Variants in RCCD1 observed in about 807,000 individuals in gnomAD.
RCCD1 encodes RCC1 domain-containing protein 1.
Under a neutral mutation model 37.6 loss-of-function variants are expected in RCCD1, and 40 were observed. That is an observed-to-expected ratio of 1.06 (90% CI 0.83 to 1.39). The LOEUF (loss-of-function observed/expected upper bound fraction) is 1.39, where lower values mean the gene tolerates loss of function less well. RCCD1 is among the 40% of genes most tolerant of loss of function. The pLI is 0.00. For synonymous variants in RCCD1, 263 were observed against 230.0 expected, an observed-to-expected ratio of 1.14 and a Z score of -1.30; for missense variants, 577 against 517.3, an observed-to-expected ratio of 1.12 and a Z score of -1.12.
In RCCD1 at chr15:90,961,916, C is replaced by A; in HGVS notation, c.*147C>A. ...TCAAGCACGGTCCTAAACTTGTCTG[C>A]ACTTTAGAAACACCTGGAGAGCATT... On this transcript the variant is annotated 3_prime_UTR_variant, in exon 8 of 8. Transcript: ENST00000394258. 1.5e-6 allele frequency: 1 copy of A among 664,022 alleles called. No individual in the cohort carries two copies. The highest frequency in any genetic ancestry group is 2.4e-6 in the Non-Finnish European group (1 of 409,204). 41.1% of individuals were successfully genotyped at this position (664,022 alleles called of 1,614,324 possible).
In RCCD1 at chr15:90,961,982, G is replaced by T. The variant is rs2037325094; in HGVS notation, c.*213G>T. On this transcript the variant is annotated 3_prime_UTR_variant, in exon 8 of 8. Coordinates refer to ENST00000394258, the MANE Select transcript of RCCD1 (RefSeq NM_001017919.2). Reference sequence around the variant, plus strand: ...TAAGGTCAGCATCAATCAAAACAATGAAATCAATGAAACAATGAAACCAGA... The same window carrying T: ...TAAGGTCAGCATCAATCAAAACAATTAAATCAATGAAACAATGAAACCAGA... 8.1e-6 allele frequency: 3 copies of T among 370,994 alleles called. No individual in the cohort carries two copies. In the South Asian group the frequency reaches 1.9e-4, roughly 23 times the overall value. The allele number at this position is 370,994 out of a possible 1,614,324, so 23.0% of individuals were successfully genotyped here. A position where few individuals can be genotyped will look rare whatever the true frequency, so the allele number is the denominator to read the frequency against.
At chr15:90,960,023 G>T in intron 5 of RCCD1, 25 bp downstream of exon 5, 1 of 1,561,960 alleles carries the variant, frequency 6.4e-7, no homozygotes, top group Non-Finnish European at 8.8e-7. Context: ...GGCTCCCACA[G>T]CCGTCTCCCC....
At position 90,956,593 on chromosome 15, in the gene RCCD1, T is replaced by C. The variant is rs555172343; in HGVS notation, c.-123-19T>C. The C allele has an allele frequency of 1.8e-5, 14 of 778,310 alleles. No individual in the cohort carries two copies. The East Asian group carries it at 4.7e-4, about 26-fold the overall frequency. 48.2% of individuals were successfully genotyped at this position (778,310 alleles called of 1,614,324 possible). A position where few individuals can be genotyped will look rare whatever the true frequency, so the allele number is the denominator to read the frequency against. On this transcript the variant is annotated intron_variant, in intron 1 of 7. Transcript: ENST00000394258. The stretch of plus-strand genomic sequence containing the variant: ...TCTGCCTTTGTGGTCGGGAGAATGA[T>C]AGTTTCTCCATTTTACAGATAAGGC...
At chr15:90,958,793 G>A (rs1239642907) in intron 4 of RCCD1, among the ~76,000 whole-genome samples, 3 of 151,724 alleles carry the variant, frequency 2.0e-5, no homozygotes, top group African/African-American at 4.8e-5. Flanking sequence ...TGAGCTGGGC[G>A]TGGCGGCTCG....
chr15:90,957,751 C>A, intron 4 of RCCD1, 26 bp downstream of exon 4: 10 of 1,579,162 alleles, frequency 6.3e-6, no homozygotes, highest in Non-Finnish European at 8.6e-6. Flanking sequence ...CTTCTCCAGA[C>A]GAGCTCATGA....
chr15:90,955,311 A>T (rs1405229008), intron 1 of RCCD1: 1 of 151,986 alleles, frequency 6.6e-6, no homozygotes, highest in Non-Finnish European at 1.5e-5. Flanking sequence ...CGCCCTTCAA[A>T]CCTTTTCTCC....
intron 4 of RCCD1, 102 bp downstream of exon 4, chr15:90,957,827 T>C: frequency 2.1e-6 from 3 of 1,449,606 alleles, no homozygotes; most frequent in African/African-American, 1.4e-5. Context: ...TCCTTCCAAA[T>C]TCATCCATCC....
In RCCD1 at chr15:90,957,649, A is replaced by ACGG. The variant is rs768081749; in HGVS notation, c.605_607dup (p.Arg202dup). The ACGG allele has an allele frequency of 6.2e-7, 1 of 1,614,162 alleles. No individual in the cohort carries two copies. The highest frequency in any genetic ancestry group is 8.5e-7 in the Non-Finnish European group (1 of 1,180,006). On this transcript the variant is annotated inframe_insertion, in exon 4 of 8. Transcript: ENST00000394258. ...GGACCCTGGAGGCAGAGCTGGAGCCACGGCTGTTGGAGGCGTTGCAGGGCC... is the reference window on the plus strand; with the variant it reads ...GGACCCTGGAGGCAGAGCTGGAGCCACGGCGGCTGTTGGAGGCGTTGCAGGGCC...
chr15:90,957,895 A>T (rs1266504822), intron 4 of RCCD1, among the ~76,000 whole-genome samples, 170 bp downstream of exon 4: 4 of 152,122 alleles, frequency 2.6e-5, no homozygotes, highest in Non-Finnish European at 5.9e-5. Context: ...CTCTGCCTGC[A>T]CCATGGCCCA....
chr15:90,961,653 A>T lies in RCCD1; in HGVS notation c.1015A>T (p.Ser339Cys). 1 of 1,614,144 alleles carries T rather than the reference A, an allele frequency of 6.2e-7. No individual in the cohort carries two copies. The highest frequency in any genetic ancestry group is 8.5e-7 in the Non-Finnish European group (1 of 1,179,998). The change falls in exon 8 of 8, where the codon AGC becomes TGC. Residue 339 changes from serine to cysteine, a missense_variant. Ser to Cys is a moderately radical substitution (Grantham distance 112, BLOSUM62 -1). Coordinates refer to ENST00000394258, the MANE Select transcript of RCCD1 (RefSeq NM_001017919.2). ...ACAGCTGGGCCACGAGGACACCACC[A>T]GCTTGGATCGGCCTCGCCGTGTGGA... is the stretch of plus-strand genomic sequence containing the variant. ...YGQLGHEDTTSLDRPRRVEYF... is the reference protein window; with the variant it reads ...YGQLGHEDTTCLDRPRRVEYF...
In RCCD1 at chr15:90,962,626, T is replaced by A. The variant is rs1366970276; in HGVS notation, c.*857T>A. 6.6e-6 allele frequency: 1 copy of A among 152,230 alleles called. No individual in the cohort carries two copies. Among genetic ancestry groups the A allele is most frequent in the Non-Finnish European group, 1.5e-5 (1 of 68,066 alleles). The allele number at this position is 152,230 out of a possible 1,614,324, so 9.4% of individuals were successfully genotyped here. A position where few individuals can be genotyped will look rare whatever the true frequency, so the allele number is the denominator to read the frequency against. ...GTTTTGGATGGCTGGGCATGGTGGC[T>A]CACACCTGTAGTCCCAGCACTTTGG... is the stretch of plus-strand genomic sequence containing the variant. On this transcript the variant is annotated 3_prime_UTR_variant, in exon 8 of 8. Coordinates refer to ENST00000394258, the MANE Select transcript of RCCD1 (RefSeq NM_001017919.2).
In RCCD1 at chr15:90,957,057, C is replaced by T. The variant is rs1238296833; in HGVS notation, c.167-56C>T. On this transcript the variant is annotated intron_variant, in intron 2 of 7. Coordinates refer to ENST00000394258, the MANE Select transcript of RCCD1 (RefSeq NM_001017919.2). ...TCGACCCCTTCCCAGGAACACCCCG[C>T]TCCCCCCATCCCCGCCGCCTCCATT... The T allele has an allele frequency of 6.9e-6, 9 of 1,302,016 alleles. No homozygotes were observed. The Admixed American group carries it at 2.0e-4, about 29-fold the overall frequency. The allele number at this position is 1,302,016 out of a possible 1,614,324, so 80.7% of individuals were successfully genotyped here. A position where few individuals can be genotyped will look rare whatever the true frequency, so the allele number is the denominator to read the frequency against.
rs1216680490 is a variant in RCCD1, at chr15:90,962,773, T to A, written c.*1004T>A. The A allele has an allele frequency of 6.6e-6, 1 of 152,240 alleles. No individual in the cohort carries two copies. Among genetic ancestry groups the A allele is most frequent in the African/African-American group, 2.4e-5 (1 of 41,470 alleles). 9.4% of individuals were successfully genotyped at this position (152,240 alleles called of 1,614,324 possible). On this transcript the variant is annotated 3_prime_UTR_variant, in exon 8 of 8. Transcript: ENST00000394258. ...CCTTTTAAAATGTTCTGTATTTTCC[T>A]TAGTGATTTTTCTTTTGGATATTTC...
In RCCD1 at chr15:90,959,946, G is replaced by A. The variant is rs775916698; in HGVS notation, c.726G>A (p.Leu242=). ...YIWGWNESGQ[L]ALPTRNLAED... ...GGGGCTGGAATGAATCAGGGCAGCT[G>A]GCCCTGCCCACCAGGAACCTGGCAG... Residue 242 remains leucine, a synonymous_variant, in exon 5 of 8, where the codon CTG becomes CTA. Transcript: ENST00000394258. 6.4e-5 allele frequency: 104 copies of A among 1,613,660 alleles called. No individual in the cohort carries two copies. The highest frequency in any genetic ancestry group is 4.2e-4 in the Admixed American group (25 of 59,978).
rs1034789369 is a variant in RCCD1, at chr15:90,963,000, G to A, written c.*1231G>A. On this transcript the variant is annotated 3_prime_UTR_variant, in exon 8 of 8. Coordinates refer to ENST00000394258, the MANE Select transcript of RCCD1 (RefSeq NM_001017919.2). ...TTTTCTTTATAGTTAAATTCTATTT[G>A]TGCATGTGTGTGTCTGTGGTTTAGC... 6.6e-6 allele frequency: 1 copy of A among 152,160 alleles called. No individual in the cohort carries two copies. The highest frequency in any genetic ancestry group is 1.5e-5 in the Non-Finnish European group (1 of 68,026). 9.4% of individuals were successfully genotyped at this position (152,160 alleles called of 1,614,324 possible).
In RCCD1 at chr15:90,961,768, G is replaced by A; in HGVS notation, c.1130G>A (p.Ter377=). 2 of 1,613,238 alleles carry A rather than the reference G, an allele frequency of 1.2e-6. No individual in the cohort carries two copies. Among genetic ancestry groups the A allele is most frequent in the Non-Finnish European group, 8.5e-7 (1 of 1,179,862 alleles). The change falls in exon 8 of 8, where the codon TGA becomes TAA. Residue 377 remains the stop codon, a stop_retained_variant. Coordinates refer to ENST00000394258, the MANE Select transcript of RCCD1 (RefSeq NM_001017919.2). ...TATGCTGTGGAGAAAGGGAAGAGCT[G>A]ACATGTGTACGTATATGTATATGCA... The part of the protein sequence containing the change: ...YVYAVEKGKS[*]
chr15:90,957,542 A>G (rs760503108), intron 3 of RCCD1, 39 bp downstream of exon 3: 3 of 1,606,906 alleles, frequency 1.9e-6, no homozygotes, highest in Non-Finnish European at 2.5e-6. Flanking sequence ...TGCTGATTGG[A>G]GAAGCAAGCG....
At chr15:90,956,237 C>T (rs1397578162) in intron 1 of RCCD1, among the ~76,000 whole-genome samples, 2 of 152,200 alleles carry the variant, frequency 1.3e-5, no homozygotes, top group Admixed American at 1.3e-4. Flanking sequence ...GACCTGATTT[C>T]AGCGCTCTGC....
rs572649356 is a variant in RCCD1, at chr15:90,962,702, C to A, written c.*933C>A. The A allele has an allele frequency of 7.9e-5, 12 of 152,294 alleles. 1 individual carries two copies. The highest frequency in any genetic ancestry group is 7.8e-4 in the Admixed American group (12 of 15,288). 9.4% of individuals were successfully genotyped at this position (152,294 alleles called of 1,614,324 possible). A position where few individuals can be genotyped will look rare whatever the true frequency, so the allele number is the denominator to read the frequency against. ...GGCGAAGAGTTCATATGTTTATTGG[C>A]CACTTGGAGTTTTTCTGTTGTCAAG... On this transcript the variant is annotated 3_prime_UTR_variant, in exon 8 of 8. Coordinates refer to ENST00000394258, the MANE Select transcript of RCCD1 (RefSeq NM_001017919.2).
Sources: allele counts gnomAD v4.1 joint callset (sites outside exome capture counted in the v4.1 genomes callset), GRCh38; gene constraint gnomAD v4.1.1; transcripts MANE v1.5; gene names NCBI Gene and HGNC (gene_info 2026-07-23, HGNC 2026-07-21).